Variants in NOC3L observed in about 807,000 individuals in gnomAD.
NOC3L encodes nucleolar complex protein 3 homolog.
Under a neutral mutation model 102.5 loss-of-function variants are expected in NOC3L, and 85 were observed. That is an observed-to-expected ratio of 0.83 (90% CI 0.70 to 0.99). The LOEUF is 0.99. Ranked by LOEUF, NOC3L falls within the 50% of genes least tolerant of loss-of-function variation. The pLI is 0.00. For missense variants in NOC3L, 878 were observed against 914.9 expected (o/e 0.96, Z 0.52); for synonymous variants, 303 against 309.4 (o/e 0.98, Z 0.22).
intron 17 of NOC3L, among the ~76,000 whole-genome samples, chr10:94,339,460 GT>G (rs1350652210): frequency 6.6e-6 from 1 of 152,126 alleles, no homozygotes; most frequent in Non-Finnish European, 1.5e-5. Flanking sequence ...AAGTTGAGTT[GT>G]TTCTATGTGT....
At chr10:94,349,426 C>A in intron 9 of NOC3L, 48 bp from the exon 10 acceptor site, 1 of 1,518,602 alleles carries the variant, frequency 6.6e-7, no homozygotes, top group Non-Finnish European at 8.8e-7. Context: ...AACCTTAGCA[C>A]TACTGACGTT....
At chr10:94,338,482 C>CTAAAAAAGGCAGCCCCAGAACAAAATA (rs2054246673) in intron 18 of NOC3L, 126 bp downstream of exon 18, 1 of 1,070,546 alleles carries the variant, frequency 9.3e-7, no homozygotes, top group Non-Finnish European at 1.3e-6. Flanking sequence ...CACAGGAATT[C>CTAAAAAAGGCAGCCCCAGAACAAAATA]TAAAAAAGGC....
the NOC3L span, among the ~76,000 whole-genome samples, chr10:94,326,498 A>G: frequency 5.8e-4 from 88 of 152,300 alleles, no homozygotes; most frequent in East Asian, 0.012. Context: ...TGTTATACAC[A>G]CCTCTATAAC....
rs1172883815 is a variant in NOC3L at position 94,344,467 on chromosome 10, T to C, written c.1519A>G (p.Lys507Glu). 1 of 1,613,906 alleles carries C rather than the reference T, an allele frequency of 6.2e-7. No homozygotes were observed. Among genetic ancestry groups the C allele is most frequent in the East Asian group, 2.2e-5 (1 of 44,870 alleles). Residue 507 changes from lysine (K) to glutamate (E), a missense_variant, in exon 13 of 21, where the codon AAG becomes GAG. Transcript: ENST00000371361. ...IVFVTYFRIL[K>E]KAQRSPLLPA... ...AGGAGAGGTGACCTCTGGGCCTTCT[T>C]CAATATTCTGAAGTAGGTTACAAAC... is the stretch of plus-strand genomic sequence containing the variant.
At chr10:94,327,535 G>A in the NOC3L span, among the ~76,000 whole-genome samples, 1 of 152,158 alleles carries the variant, frequency 6.6e-6, no homozygotes, top group East Asian at 1.9e-4. Flanking sequence ...GAGGGAGAGA[G>A]AGCAAAAAGA....
rs750949535 is a variant in NOC3L at position 94,361,700 on chromosome 10, G to C, written c.182C>G (p.Pro61Arg). 1.2e-6 allele frequency: 2 copies of C among 1,613,978 alleles called. No individual in the cohort carries two copies. Among genetic ancestry groups the C allele is most frequent in the African/African-American group, 2.7e-5 (2 of 74,924 alleles). Residue 61 changes from proline to arginine, a missense_variant, in exon 2 of 21, where the codon CCC (proline) becomes CGC (arginine). Pro to Arg is a moderately radical substitution (Grantham distance 103, BLOSUM62 -2). Coordinates refer to ENST00000371361, the MANE Select transcript of NOC3L (RefSeq NM_022451.11). ...QAVKDAVSKK[P>R]IPLENPKEKR... ...TTCCTTTGGGTTCTCCAATGGAATG[G>C]GTTTCTTAGACACAGCATCTTTCAC... is the stretch of plus-strand genomic sequence containing the variant.
chr10:94,355,391 CTTTT>C (rs200203754), intron 5 of NOC3L, among the ~76,000 whole-genome samples: 1 of 139,606 alleles, frequency 7.2e-6, no homozygotes. Context: ...GATTCTAGAA[CTTTT>C]TTTTTTTTTT....
intron 2 of NOC3L, among the ~76,000 whole-genome samples, chr10:94,358,520 G>C (rs1250751960): frequency 2.0e-5 from 3 of 152,202 alleles, no homozygotes; most frequent in Non-Finnish European, 4.4e-5. Context: ...GCATTCCCAG[G>C]TTATTGTAAC....
intron 14 of NOC3L, 80 bp from the exon 15 acceptor site, chr10:94,340,576 T>G: frequency 8.1e-7 from 1 of 1,237,630 alleles, no homozygotes; most frequent in East Asian, 2.3e-5. Flanking sequence ...AAAAAGAACT[T>G]TAAGGCCAGG....
intron 3 of NOC3L, 33 bp from the exon 4 acceptor site, chr10:94,357,364 T>C (rs2054501038): frequency 3.3e-6 from 5 of 1,504,104 alleles, no homozygotes; most frequent in Non-Finnish European, 4.4e-6. Flanking sequence ...TTTTCAGTCT[T>C]AATAGATCTA....
At chr10:94,330,936 A>C (rs373036147), downstream of NOC3L, 1 of 152,352 alleles carries the variant, frequency 6.6e-6, no homozygotes, top group African/African-American at 2.4e-5. Context: ...TGTGGACAAG[A>C]ATCTAAATAT....
intron 11 of NOC3L, among the ~76,000 whole-genome samples, chr10:94,345,318 T>C (rs2054330680): frequency 6.6e-6 from 1 of 151,648 alleles, no homozygotes; most frequent in Non-Finnish European, 1.5e-5. Context: ...GGAAAGAACA[T>C]GTTGAGCCCA....
chr10:94,359,450 C>CAA (rs1331380365), intron 2 of NOC3L, among the ~76,000 whole-genome samples: 1 of 126,666 alleles, frequency 7.9e-6, no homozygotes, highest in Non-Finnish European at 1.7e-5. Flanking sequence ...AACTCCGTCT[C>CAA]AAAAAAAAAA....
At chr10:94,330,723 C>G (rs1202974475), downstream of NOC3L, 1 of 151,140 alleles carries the variant, frequency 6.6e-6, no homozygotes, top group Non-Finnish European at 1.5e-5. Flanking sequence ...AGAGTCTAGT[C>G]TACTATTATA....
the NOC3L span, among the ~76,000 whole-genome samples, chr10:94,326,782 A>G: frequency 6.6e-6 from 1 of 152,252 alleles, no homozygotes; most frequent in African/African-American, 2.4e-5. Context: ...TTTTCTGACC[A>G]ATGGATTCAC....
Position 94,354,473 on chromosome 10 carries a change from T to C in NOC3L, c.696+490A>G, listed in dbSNP as rs897951744. Among the ~76,000 whole-genome samples the C allele has an allele frequency of 5.3e-5, 8 of 152,346 alleles. 1 individual carries two copies. In the East Asian group the frequency reaches 9.6e-4, roughly 18 times the overall value. ...TCAGATTTCTCTAGTTCATGTGTTA[T>C]AACCATCACTAACTCAACGACTATA... On this transcript the variant is annotated intron_variant, in intron 6 of 20. Coordinates refer to ENST00000371361, the MANE Select transcript of NOC3L (RefSeq NM_022451.11).
the NOC3L span, chr10:94,321,788 A>G: frequency 1.3e-6 from 1 of 742,626 alleles, no homozygotes; most frequent in East Asian, 2.7e-5. Flanking sequence ...ATGAGATATT[A>G]AGCTAAGAAG....
chr10:94,361,745 T>A lies in NOC3L; in HGVS notation c.137A>T (p.Gln46Leu), dbSNP rs2054553784. Residue 46 changes from glutamine to leucine, a missense_variant, in exon 2 of 21, where the codon CAG becomes CTG. By Grantham distance (113) the Gln-to-Leu change is moderately radical (BLOSUM62 -2). Coordinates refer to ENST00000371361, the MANE Select transcript of NOC3L (RefSeq NM_022451.11). ...TTTCACAGCTTGCCTTAGTTTCCTC[T>A]GTTCTTTTCGGTACTTCTTGAGAGT... ...QSTLKKYRKEQRKLRQAVKDA... is the reference protein window; with the variant it reads ...QSTLKKYRKELRKLRQAVKDA... 1 of 1,613,960 alleles carries A rather than the reference T, an allele frequency of 6.2e-7. No individual in the cohort carries two copies. The highest frequency in any genetic ancestry group is 8.5e-7 in the Non-Finnish European group (1 of 1,179,996).
downstream of NOC3L, chr10:94,329,819 C>T (rs769561365): frequency 7.3e-5 from 9 of 122,486 alleles, no homozygotes; most frequent in Non-Finnish European, 1.3e-4. Context: ...AAACACCATA[C>T]AGCTTTCATG....
Sources: gnomAD v4.1 joint callset for allele counts (sites outside exome capture counted in the v4.1 genomes callset) on GRCh38, gnomAD v4.1.1 for gene constraint, MANE v1.5 for transcripts, NCBI Gene and HGNC (gene_info 2026-07-23, HGNC 2026-07-21) for gene names.